Variants in AP2A2 observed in about 807,000 individuals in gnomAD.
The protein encoded by AP2A2 is adaptor related protein complex 2 subunit alpha 2.
A neutral mutation model predicts 104.2 loss-of-function variants in AP2A2; 32 were observed. The observed-to-expected ratio is 0.31, with a 90% CI of 0.23 to 0.41. The LOEUF is 0.41. AP2A2 is among the 10% of genes least tolerant of loss of function. The probability of loss-of-function intolerance (pLI) is 1.00; values close to 1 mark genes in which losing one functional copy is unlikely to be tolerated. For missense variants in AP2A2, 912 were observed against 1,261.0 expected (o/e 0.72, Z 4.19); for synonymous variants, 539 against 533.3 (o/e 1.01, Z -0.15).
At position 985,540 on chromosome 11, in the gene AP2A2, C is replaced by G; in HGVS notation, c.920C>G (p.Ala307Gly). The G allele has an allele frequency of 6.2e-7, 1 of 1,613,974 alleles. No homozygotes were observed. Among genetic ancestry groups the G allele is most frequent in the South Asian group, 1.1e-5 (1 of 91,084 alleles). Residue 307 changes from alanine to glycine, a missense_variant, in exon 8 of 22, where the codon GCC becomes GGC. Ala to Gly is a moderately conservative substitution (Grantham distance 60). Around this residue, in one of 7 missense-constraint regions of AP2A2, gnomAD observed 350 missense variants for 487.0 expected, o/e 0.72. Coordinates refer to ENST00000448903, the MANE Select transcript of AP2A2 (RefSeq NM_012305.4). ...KKVQHSNAKN[A>G]VLFEAISLII... ...GTCCAGCACTCCAACGCGAAGAATG[C>G]CGTGCTCTTCGAGGCCATCAGCTTA...
intron 14 of AP2A2, among the ~76,000 whole-genome samples, chr11:994,578 C>T (rs1362934675): frequency 5.5e-5 from 8 of 144,780 alleles, no homozygotes; most frequent in South Asian, 2.2e-4. Flanking sequence ...CCCTGCTGGA[C>T]GCCCCGTTGT....
At chr11:929,039 A>G (rs898803497) in intron 1 of AP2A2, among the ~76,000 whole-genome samples, 8 of 152,202 alleles carry the variant, frequency 5.3e-5, no homozygotes, top group Non-Finnish European at 1.0e-4. Flanking sequence ...CTCACAAGGA[A>G]GGTGATTCTT....
chr11:980,821 A>T (rs1040034219), intron 5 of AP2A2, among the ~76,000 whole-genome samples: 1 of 152,246 alleles, frequency 6.6e-6, no homozygotes, highest in Non-Finnish European at 1.5e-5. Flanking sequence ...TCTACAGTGA[A>T]CATGCGTTAT....
chr11:1,004,468 GTAAA>G (rs1856137074), intron 16 of AP2A2, among the ~76,000 whole-genome samples: 1 of 151,884 alleles, frequency 6.6e-6, no homozygotes, highest in South Asian at 2.1e-4. Flanking sequence ...GTGAGACTCT[GTAAA>G]TAAATAAATA....
intron 1 of AP2A2, among the ~76,000 whole-genome samples, chr11:953,116 C>T (rs1854105995): frequency 6.6e-6 from 1 of 152,204 alleles, no homozygotes; most frequent in South Asian, 2.1e-4. Context: ...TCAGTCTTGC[C>T]TGCAGGTCAT....
At chr11:947,791 C>T (rs893516131) in intron 1 of AP2A2, among the ~76,000 whole-genome samples, 3 of 122,386 alleles carry the variant, frequency 2.5e-5, no homozygotes, top group African/African-American at 5.8e-5. Context: ...GTGAGACCCC[C>T]GTCTCTACAA....
Position 933,631 on chromosome 11 carries a change from C to T in AP2A2, c.67+7543C>T, listed in dbSNP as rs145482340. 3.2e-3 allele frequency: 1,437 copies of T among 456,102 alleles called. 19 individuals carry two copies. The highest frequency in any genetic ancestry group is 0.026 in the African/African-American group (1,295 of 50,114). 28.3% of individuals were successfully genotyped at this position (456,102 alleles called of 1,614,324 possible). On this transcript the variant is annotated intron_variant, in intron 1 of 21. Transcript: ENST00000448903. ...GAAGCAGCCCTATTTTAAATAGCGC[C>T]CTGGAGACTTGAATTGGGAAGAGGA...
At position 968,034 on chromosome 11, in the gene AP2A2, G is replaced by C. The variant is rs1478640285; in HGVS notation, c.137-2135G>C. 6.6e-6 allele frequency among the ~76,000 whole-genome samples: 1 copy of C among 152,090 alleles called. No individual in the cohort carries two copies. ...AGTGGCACCTGCCAGGGGAGCTGGC[G>C]GGCTCACCTGCCACCTGCCCCACCG... On this transcript the variant is annotated intron_variant, in intron 2 of 21. Coordinates refer to ENST00000448903, the MANE Select transcript of AP2A2 (RefSeq NM_012305.4). The surrounding 1 kb of genome is among the most constrained non-coding windows in gnomAD (Gnocchi z 4.2).
At chr11:974,502 G>A (rs960264347) in intron 4 of AP2A2, among the ~76,000 whole-genome samples, 4 of 152,108 alleles carry the variant, frequency 2.6e-5, no homozygotes, top group Non-Finnish European at 4.4e-5. Flanking sequence ...CCAACATGGC[G>A]AAACCCCGTC....
intron 16 of AP2A2, among the ~76,000 whole-genome samples, chr11:1,004,265 G>T (rs1856126328): frequency 6.6e-6 from 1 of 152,202 alleles, no homozygotes; most frequent in South Asian, 2.1e-4. Context: ...TTGAGGCCAG[G>T]AGTTCGAGAC....
chr11:992,083 G>A lies in AP2A2; in HGVS notation c.1270-420G>A, dbSNP rs1392953012. On this transcript the variant is annotated intron_variant, in intron 10 of 21. Coordinates refer to ENST00000448903, the MANE Select transcript of AP2A2 (RefSeq NM_012305.4). This position sits in a 1 kb window ranked among gnomAD's most constrained non-coding sequence, Gnocchi z 6.4. ...AGCCGGAAGAAACCAGCAGAGAAGT[G>A]GCCGCCGGGAGCCCAGGGTGGCGCA... 6.6e-6 allele frequency among the ~76,000 whole-genome samples: 1 copy of A among 152,022 alleles called. No individual in the cohort carries two copies.
intron 6 of AP2A2, among the ~76,000 whole-genome samples, chr11:982,948 G>A (rs1233561158): frequency 6.6e-6 from 1 of 151,524 alleles, no homozygotes; most frequent in African/African-American, 2.4e-5. Flanking sequence ...CCTGCGCCTG[G>A]CTGTGAAACT....
chr11:998,670 C>T (rs1021176573), intron 14 of AP2A2, among the ~76,000 whole-genome samples: 8 of 152,240 alleles, frequency 5.3e-5, no homozygotes, highest in African/African-American at 1.4e-4. Context: ...ATCTCCAGAA[C>T]GCTCTTAGCT....
intron 16 of AP2A2, among the ~76,000 whole-genome samples, chr11:1,005,884 A>G (rs1029828303): frequency 1.3e-5 from 2 of 152,228 alleles, no homozygotes; most frequent in Non-Finnish European, 2.9e-5. Flanking sequence ...ACTGTTTTCA[A>G]AATATTTGAG....
chr11:938,168 T>A (rs1321637456), intron 1 of AP2A2, among the ~76,000 whole-genome samples: 1 of 152,256 alleles, frequency 6.6e-6, no homozygotes, highest in Non-Finnish European at 1.5e-5. Flanking sequence ...GCCTCTCACC[T>A]GGGTCGCCTG....
intron 10 of AP2A2, among the ~76,000 whole-genome samples, chr11:990,698 G>A (rs1855616581): frequency 6.6e-6 from 1 of 150,682 alleles, no homozygotes; most frequent in African/African-American, 2.4e-5. Flanking sequence ...AGCTGGGCAT[G>A]GTGCTCCCCC....
At chr11:1,010,428 TG>T in intron 21 of AP2A2, 119 bp from the exon 22 acceptor site, 1 of 735,838 alleles carries the variant, frequency 1.4e-6, no homozygotes, top group Non-Finnish European at 2.3e-6. Flanking sequence ...TGCCGAGTTG[TG>T]GGTGCCTCCA....
chr11:997,123 C>T (rs1855881917), intron 14 of AP2A2, among the ~76,000 whole-genome samples: 1 of 152,190 alleles, frequency 6.6e-6, no homozygotes, highest in Non-Finnish European at 1.5e-5. Context: ...AGCACATGTG[C>T]CTTTCCCACG....
In AP2A2 at chr11:925,921, G is replaced by A; in HGVS notation, c.-101G>A. 1 of 906,384 alleles carries A rather than the reference G, an allele frequency of 1.1e-6. No homozygotes were observed. The highest frequency in any genetic ancestry group is 1.5e-6 in the Non-Finnish European group (1 of 670,988). 56.1% of individuals were successfully genotyped at this position (906,384 alleles called of 1,614,324 possible). A position where few individuals can be genotyped will look rare whatever the true frequency, so the allele number is the denominator to read the frequency against. On this transcript the variant is annotated 5_prime_UTR_variant, in exon 1 of 22. Coordinates refer to ENST00000448903, the MANE Select transcript of AP2A2 (RefSeq NM_012305.4). ...GGCCGTGGTTAGGCGGCTCCCCGGC[G>A]GCTCCTCCGCGGCGGTGACGGCGAC...
Sources: allele counts gnomAD v4.1 joint callset (sites outside exome capture counted in the v4.1 genomes callset), GRCh38; gene constraint gnomAD v4.1.1; regional missense constraint gnomAD v4.1.1; non-coding constraint Gnocchi (gnomAD v3.1); transcripts MANE v1.5; gene names NCBI Gene and HGNC (gene_info 2026-07-23, HGNC 2026-07-21).